Variants in TMEM150B observed in about 807,000 individuals in gnomAD.
TMEM150B encodes the protein transmembrane protein 150B, also known as modulator of macroautophagy TMEM150B.
Under a neutral mutation model 25.2 loss-of-function variants are expected in TMEM150B, and 33 were observed. That is an observed-to-expected ratio of 1.31 (90% CI 0.99 to 1.75). The LOEUF is 1.75. TMEM150B is among the 40% of genes most tolerant of loss of function. TMEM150B has a pLI of 0.00. For missense variants in TMEM150B, 322 were observed against 306.1 expected (o/e 1.05, Z -0.39); for synonymous variants, 133 against 134.8 (o/e 0.99, Z 0.09).
downstream of TMEM150B, chr19:55,312,750 G>T (rs1344981959): frequency 1.6e-6 from 2 of 1,243,388 alleles, no homozygotes; most frequent in Non-Finnish European, 2.2e-6. Context: ...GGCAGCCCCA[G>T]CTGGTTGGAG....
chr19:55,312,069 C>T, downstream of TMEM150B: 1 of 1,419,496 alleles, frequency 7.0e-7, no homozygotes, highest in Non-Finnish European at 9.2e-7. Flanking sequence ...TCTGCCCTGA[C>T]CCCACGGGGC....
intron 2 of TMEM150B, among the ~76,000 whole-genome samples, chr19:55,322,052 T>C (rs1301816382): frequency 6.6e-6 from 1 of 152,126 alleles, no homozygotes; most frequent in East Asian, 1.9e-4. Flanking sequence ...CGCCTGACCC[T>C]TTTCCTTCTC....
intron 6 of TMEM150B, among the ~76,000 whole-genome samples, chr19:55,317,578 G>A (rs1323887199): frequency 4.6e-5 from 7 of 152,100 alleles, no homozygotes; most frequent in Non-Finnish European, 1.0e-4. Flanking sequence ...TCAGGAGTTC[G>A]AGACCAGCCT....
intron 1 of TMEM150B, chr19:55,324,735 C>T (rs1404872850): frequency 2.0e-6 from 2 of 985,310 alleles, no homozygotes; most frequent in Admixed American, 6.1e-5. Context: ...TCTCCAAGTC[C>T]TCCTCACCCC....
chr19:55,312,533 C>CAAAAAAAAAAAAAAAA (rs372052269), downstream of TMEM150B: 1 of 25,726 alleles, frequency 3.9e-5, no homozygotes, highest in African/African-American at 1.8e-4. Flanking sequence ...CCGCCGGCGG[C>CAAAAAAAAAAAAAAAA]AAAAAAAAAA....
intron 7 of TMEM150B, among the ~76,000 whole-genome samples, chr19:55,313,549 G>T (rs1048928840): frequency 1.3e-5 from 2 of 151,998 alleles, no homozygotes; most frequent in Non-Finnish European, 2.9e-5. Context: ...TGTAAAATCT[G>T]TTTCTCTGAG....
chr19:55,319,107 TTTTTC>T (rs1429027874), intron 6 of TMEM150B, among the ~76,000 whole-genome samples: 1 of 151,794 alleles, frequency 6.6e-6, no homozygotes, highest in African/African-American at 2.4e-5. Context: ...ACTAATTTCT[TTTTTC>T]TTTTCTTTTC....
intron 7 of TMEM150B, among the ~76,000 whole-genome samples, chr19:55,315,640 A>AGTCCCG (rs1326843160): frequency 6.6e-6 from 1 of 152,134 alleles, no homozygotes. Context: ...TGGCGCCTGT[A>AGTCCCG]GTCCCAGCTA....
rs544746929 is a variant in TMEM150B at position 55,322,712 on chromosome 19, C to T, written c.-122G>A. On this transcript the variant is annotated 5_prime_UTR_variant, in exon 2 of 8. Coordinates refer to ENST00000326652, the MANE Select transcript of TMEM150B (RefSeq NM_001282011.2). ...GCTGGGTGAGCTCAGGGAAGAAGGG[C>T]TGGCATTCGGGGTGGGGCTCAGGCA... 1.5e-5 allele frequency: 15 copies of T among 985,372 alleles called. 1 individual carries two copies. In the South Asian group the frequency reaches 7.1e-4, roughly 46 times the overall value. 61.0% of individuals were successfully genotyped at this position (985,372 alleles called of 1,614,324 possible).
intron 7 of TMEM150B, 36 bp from the exon 8 acceptor site, chr19:55,313,091 C>A: frequency 6.4e-7 from 1 of 1,569,398 alleles, no homozygotes. Flanking sequence ...GCTACCGTGA[C>A]AGACGCGGAG....
At position 55,316,867 on chromosome 19, in the gene TMEM150B, T is replaced by A. The variant is rs2089020308; in HGVS notation, c.424A>T (p.Arg142Trp). 1 of 1,598,894 alleles carries A rather than the reference T, an allele frequency of 6.3e-7. No individual in the cohort carries two copies. The highest frequency in any genetic ancestry group is 1.7e-4 in the Middle Eastern group (1 of 6,052). ...CAGGCAGCCCCGGGCTGGGGCAGCCTCTTCAGCCTCCACAGGAGGAGCTGC... is the reference window on the plus strand; with the variant it reads ...CAGGCAGCCCCGGGCTGGGGCAGCCACTTCAGCCTCCACAGGAGGAGCTGC... Reference protein sequence around the residue: ...WLQLLLWRLKRLPQPGAAWIG... With the variant: ...WLQLLLWRLKWLPQPGAAWIG... Residue 142 changes from arginine to tryptophan, a missense_variant, in exon 7 of 8, where the codon AGG (arginine) becomes TGG (tryptophan). Arg to Trp is a moderately radical substitution (Grantham distance 101). Transcript: ENST00000326652.
chr19:55,315,242 G>A (rs915653803), intron 7 of TMEM150B, among the ~76,000 whole-genome samples: 1 of 152,052 alleles, frequency 6.6e-6, no homozygotes, highest in African/African-American at 2.4e-5. Context: ...CTTGAAACTG[G>A]GAGGTGGGGG....
At chr19:55,311,069 C>T (rs1213142152), downstream of TMEM150B, among the ~76,000 whole-genome samples, 1 of 152,138 alleles carries the variant, frequency 6.6e-6, no homozygotes, top group Non-Finnish European at 1.5e-5. Flanking sequence ...TCAAATGATT[C>T]TCCCGCCTCA....
downstream of TMEM150B, chr19:55,312,745 C>G: frequency 2.5e-6 from 3 of 1,207,880 alleles, no homozygotes; most frequent in Non-Finnish European, 3.4e-6. Flanking sequence ...TCAGCGGCAG[C>G]CCCAGCTGGT....
At chr19:55,310,909 T>TG (rs933902552), downstream of TMEM150B, among the ~76,000 whole-genome samples, 10 of 151,846 alleles carry the variant, frequency 6.6e-5, no homozygotes, top group Admixed American at 4.6e-4. This position sits in a 1 kb window ranked among gnomAD's most constrained non-coding sequence, Gnocchi z 5.0. Flanking sequence ...GAGAATGGGG[T>TG]GGGGGGTGCA....
chr19:55,312,916 C>G lies in TMEM150B; in HGVS notation c.645G>C (p.Pro215=). ...CCGGCGGGGGGCTGAGGCTGGGCCACGGCTGAACACACAGGGTGCAGCTCT... is the reference window on the plus strand; with the variant it reads ...CCGGCGGGGGGCTGAGGCTGGGCCAGGGCTGAACACACAGGGTGCAGCTCT... ...ALESCTLCVQ[P]WPSLSPPPAS... Residue 215 remains proline (P), a synonymous_variant, in exon 8 of 8, where the codon CCG becomes CCC. Transcript: ENST00000326652. 13 of 1,608,494 alleles carry G rather than the reference C, an allele frequency of 8.1e-6. No individual in the cohort carries two copies. The highest frequency in any genetic ancestry group is 1.1e-5 in the Non-Finnish European group (13 of 1,177,978).
At chr19:55,317,048 A>AC in intron 6 of TMEM150B, 82 bp from the exon 7 acceptor site, 4 of 1,331,110 alleles carry the variant, frequency 3.0e-6, no homozygotes, top group Non-Finnish European at 4.1e-6. Flanking sequence ...CCCTTCACCA[A>AC]TGCAGTAGAC....
At position 55,320,178 on chromosome 19, in the gene TMEM150B, G is replaced by A. The variant is rs536223140; in HGVS notation, c.197-12C>T. The A allele has an allele frequency of 6.2e-7, 1 of 1,613,102 alleles. No homozygotes were observed. Among genetic ancestry groups the A allele is most frequent in the Non-Finnish European group, 8.5e-7 (1 of 1,179,398 alleles). On this transcript the variant is annotated splice_polypyrimidine_tract_variant and intron_variant, in intron 5 of 7. Transcript: ENST00000326652. ...GCAGATCCACGCGGCTGGGAGTAGAGGGGAGAAGGAAGTGGGAGGGAGACC... is the reference window on the plus strand; with the variant it reads ...GCAGATCCACGCGGCTGGGAGTAGAAGGGAGAAGGAAGTGGGAGGGAGACC...
chr19:55,311,558 G>A (rs2088795346), downstream of TMEM150B, among the ~76,000 whole-genome samples: 1 of 152,268 alleles, frequency 6.6e-6, no homozygotes, highest in South Asian at 2.1e-4. Flanking sequence ...TGTGAACGTT[G>A]AGCACCGTCC....
Sources: gnomAD v4.1 joint callset for allele counts (sites outside exome capture counted in the v4.1 genomes callset) on GRCh38, gnomAD v4.1.1 for gene constraint, Gnocchi (gnomAD v3.1) non-coding constraint, MANE v1.5 for transcripts, NCBI Gene and HGNC (gene_info 2026-07-23, HGNC 2026-07-21) for gene names.